Variants in ZFPM2 observed in about 807,000 individuals in gnomAD.
The protein encoded by ZFPM2 is zinc finger protein, FOG family member 2.
In ZFPM2, 20 loss-of-function variants were observed where a neutral mutation model predicts 98.6. The ratio of observed to expected loss-of-function variants is 0.20; its 90% CI spans 0.14 to 0.29. ZFPM2 has a LOEUF of 0.29. ZFPM2 is among the 10% of genes least tolerant of loss of function. The pLI, the probability that ZFPM2 is intolerant of heterozygous loss-of-function variation, is 1.00. For missense variants in ZFPM2, 1,310 were observed against 1,388.6 expected (o/e 0.94, Z 0.90); for synonymous variants, 518 against 502.7 (o/e 1.03, Z -0.41).
At position 105,405,280 on chromosome 8, in the gene ZFPM2, T is replaced by A. The variant is rs112723062; in HGVS notation, c.41-13864T>A. ...CACTCTTTCTTTTTTTGATTTTTTTTAATTTTATTATTATTATACTTTAAG... is the reference window on the plus strand; with the variant it reads ...CACTCTTTCTTTTTTTGATTTTTTTAAATTTTATTATTATTATACTTTAAG... On this transcript the variant is annotated intron_variant, in intron 1 of 7. Transcript: ENST00000407775. 9.1e-3 allele frequency among the ~76,000 whole-genome samples: 1,383 copies of A among 152,130 alleles called. 17 individuals are homozygous for A. Among genetic ancestry groups the A allele is most frequent in the African/African-American group, 0.029 (1,197 of 41,508 alleles).
intron 3 of ZFPM2, among the ~76,000 whole-genome samples, chr8:105,560,386 T>C (rs1450159): frequency 0.25 from 38,164 of 151,766 alleles, 6,296 homozygotes; most frequent in African/African-American, 0.48. Flanking sequence ...ATAAATAACA[T>C]TAAAACACAA....
chr8:105,424,538 T>C (rs570497833), intron 2 of ZFPM2, among the ~76,000 whole-genome samples: 1 of 152,274 alleles, frequency 6.6e-6, no homozygotes, highest in African/African-American at 2.4e-5. Context: ...AGAGTCCACA[T>C]AGTGTGCAGA....
At chr8:105,433,691 G>A (rs1812064113) in intron 2 of ZFPM2, among the ~76,000 whole-genome samples, 1 of 152,142 alleles carries the variant, frequency 6.6e-6, no homozygotes. Context: ...GGAGGCTGAG[G>A]CAGGAGAATG....
At chr8:105,596,824 C>G (rs1207608533) in intron 4 of ZFPM2, among the ~76,000 whole-genome samples, 2 of 141,240 alleles carry the variant, frequency 1.4e-5, no homozygotes, top group African/African-American at 2.6e-5. Context: ...GCCTGGAACT[C>G]TATCTCTAAA....
At chr8:105,564,184 CTT>C (rs1454248984) in intron 4 of ZFPM2, among the ~76,000 whole-genome samples, 13 of 151,806 alleles carry the variant, frequency 8.6e-5, no homozygotes, top group Non-Finnish European at 1.6e-4. Flanking sequence ...AAGGCGTTAA[CTT>C]ATATGAAATT....
chr8:105,740,108 C>A (rs915395867), intron 5 of ZFPM2, among the ~76,000 whole-genome samples: 1 of 151,966 alleles, frequency 6.6e-6, no homozygotes, highest in Non-Finnish European at 1.5e-5. Flanking sequence ...AATTTCATTA[C>A]AGGCTTTGCA....
intron 5 of ZFPM2, among the ~76,000 whole-genome samples, chr8:105,785,478 G>A (rs1296097574): frequency 6.6e-6 from 1 of 151,990 alleles, no homozygotes; most frequent in Non-Finnish European, 1.5e-5. Context: ...TTTCCTTTGG[G>A]AAACTTAGTT....
At chr8:105,772,655 T>C (rs1345620089) in intron 5 of ZFPM2, among the ~76,000 whole-genome samples, 2 of 152,164 alleles carry the variant, frequency 1.3e-5, no homozygotes, top group Non-Finnish European at 2.9e-5. Flanking sequence ...TGTGTGTTGG[T>C]GCAAATATCT....
At chr8:105,739,888 G>T (rs1432181299) in intron 5 of ZFPM2, among the ~76,000 whole-genome samples, 3 of 151,862 alleles carry the variant, frequency 2.0e-5, no homozygotes, top group Non-Finnish European at 4.4e-5. Flanking sequence ...TGCTTTCAGG[G>T]CTATTTTGGG....
chr8:105,652,337 C>T (rs1817197851), intron 5 of ZFPM2, among the ~76,000 whole-genome samples: 1 of 148,344 alleles, frequency 6.7e-6, no homozygotes, highest in Admixed American at 6.8e-5. Context: ...ATATGCCTGA[C>T]ATACAGTAGT....
intron 4 of ZFPM2, among the ~76,000 whole-genome samples, chr8:105,632,143 GGTTTTGTTTTGTTTT>G (rs201913090): frequency 1.3e-5 from 2 of 151,608 alleles, no homozygotes; most frequent in Admixed American, 6.6e-5. Flanking sequence ...GATCCTTTGG[GGTTTTGTTTTGTTTT>G]GTTTTGTTTT....
At chr8:105,561,755 A>G (rs1288287290) in intron 4 of ZFPM2, among the ~76,000 whole-genome samples, 1 of 152,194 alleles carries the variant, frequency 6.6e-6, no homozygotes, top group Non-Finnish European at 1.5e-5. Flanking sequence ...AGCCAGACCA[A>G]GACTGTTCAC....
At chr8:105,389,013 C>CGTGTGTGTGTGTGTGTGT (rs142145699) in intron 1 of ZFPM2, among the ~76,000 whole-genome samples, 46 of 134,904 alleles carry the variant, frequency 3.4e-4, no homozygotes, top group African/African-American at 5.3e-4. Flanking sequence ...AATTTGATGA[C>CGTGTGTGTGTGTGTGTGT]GTGTGTGTGT....
chr8:105,389,034 GTGTGT>G (rs1811056678), intron 1 of ZFPM2, among the ~76,000 whole-genome samples: 2 of 148,198 alleles, frequency 1.3e-5, no homozygotes, highest in South Asian at 4.2e-4. Context: ...GTGTGTGTGT[GTGTGT>G]GTGTGTGTGT....
At chr8:105,415,865 G>A (rs1811670371) in intron 1 of ZFPM2, among the ~76,000 whole-genome samples, 1 of 152,014 alleles carries the variant, frequency 6.6e-6, no homozygotes, top group African/African-American at 2.4e-5. Context: ...CACTTGCTTT[G>A]GAAGAAATAC....
intron 5 of ZFPM2, among the ~76,000 whole-genome samples, chr8:105,649,414 A>G (rs942317620): frequency 3.9e-5 from 6 of 152,106 alleles, no homozygotes; most frequent in Admixed American, 3.3e-4. Context: ...TTCCAACACT[A>G]TGTTGAATAG....
chr8:105,428,522 T>C (rs1325573068), intron 2 of ZFPM2, among the ~76,000 whole-genome samples: 3 of 152,216 alleles, frequency 2.0e-5, no homozygotes, highest in Non-Finnish European at 2.9e-5. Context: ...CTGTTTCTTA[T>C]GATGTTGCTT....
At chr8:105,569,812 T>C (rs1389572402) in intron 4 of ZFPM2, among the ~76,000 whole-genome samples, 1 of 152,096 alleles carries the variant, frequency 6.6e-6, no homozygotes, top group Non-Finnish European at 1.5e-5. Flanking sequence ...TGACAAACCA[T>C]CTGGGAAATT....
chr8:105,786,584 G>T (rs530186533), intron 5 of ZFPM2, among the ~76,000 whole-genome samples: 1 of 131,586 alleles, frequency 7.6e-6, no homozygotes, highest in African/African-American at 3.4e-5. Flanking sequence ...AAGTGATAAA[G>T]ATAATAAATG....
Sources: gnomAD v4.1 joint callset for allele counts (sites outside exome capture counted in the v4.1 genomes callset) on GRCh38, gnomAD v4.1.1 for gene constraint, MANE v1.5 for transcripts, NCBI Gene and HGNC (gene_info 2026-07-23, HGNC 2026-07-21) for gene names.